Variants in SLCO4C1 observed in about 807,000 individuals in gnomAD.
The protein encoded by SLCO4C1 is organic anion transporter M1.
SLCO4C1 carries 58 observed loss-of-function variants against 72.1 expected under a neutral mutation model. The ratio of observed to expected loss-of-function variants is 0.80; its 90% confidence interval spans 0.65 to 1.00. The LOEUF is 1.00. Ranked by LOEUF, SLCO4C1 falls within the 50% of genes least tolerant of loss-of-function variation. SLCO4C1 has a pLI of 0.00. For synonymous variants in SLCO4C1, 297 were observed against 312.5 expected (o/e 0.95, Z 0.52); for missense variants, 898 against 857.9 (o/e 1.05, Z -0.58).
intron 2 of SLCO4C1, among the ~76,000 whole-genome samples, chr5:102,281,499 A>G (rs2112390714): frequency 6.6e-6 from 1 of 152,256 alleles, no homozygotes; most frequent in South Asian, 2.1e-4. Context: ...AAGAGGATGA[A>G]AAGACATGCT....
In SLCO4C1 at chr5:102,263,763, A is replaced by T; in HGVS notation, c.820T>A (p.Ser274Thr). 1 of 1,612,600 alleles carries T rather than the reference A, an allele frequency of 6.2e-7. No homozygotes were observed. Among genetic ancestry groups the T allele is most frequent in the Non-Finnish European group, 8.5e-7 (1 of 1,179,048 alleles). Residue 274 changes from serine (S) to threonine (T), a missense_variant, in exon 4 of 13, where the codon TCA (serine) becomes ACA (threonine). Transcript: ENST00000310954. ...SLYIGTGYAM[S>T]ILGPAIGYVL... ...TAGCCAATAGCAGGGCCTAAGATTG[A>T]CATAGCATAACCGGTTCCTAGAAGA...
chr5:102,235,722 A>C lies in SLCO4C1; in HGVS notation c.*1136T>G, dbSNP rs925278862. 5 of 152,232 alleles carry C rather than the reference A, an allele frequency of 3.3e-5. No individual in the cohort carries two copies. The highest frequency in any genetic ancestry group is 1.2e-4 in the African/African-American group (5 of 41,458). 9.4% of individuals were successfully genotyped at this position (152,232 alleles called of 1,614,324 possible). Reference sequence around the variant, plus strand: ...GTGCACACTCCATTGGGAACTGCACATGCAAGGGATCTAGGTTGCACTCTC... The same window carrying C: ...GTGCACACTCCATTGGGAACTGCACCTGCAAGGGATCTAGGTTGCACTCTC... On this transcript the variant is annotated 3_prime_UTR_variant, in exon 13 of 13. Coordinates refer to ENST00000310954, the MANE Select transcript of SLCO4C1 (RefSeq NM_180991.5).
chr5:102,241,240 T>C (rs1212983982), intron 10 of SLCO4C1, among the ~76,000 whole-genome samples: 1 of 152,116 alleles, frequency 6.6e-6, no homozygotes, highest in Non-Finnish European at 1.5e-5. Context: ...CTATTCGGCA[T>C]AGTACTAAAA....
intron 2 of SLCO4C1, among the ~76,000 whole-genome samples, chr5:102,279,796 A>C (rs1749318995): frequency 6.6e-6 from 1 of 152,052 alleles, no homozygotes; most frequent in Non-Finnish European, 1.5e-5. Context: ...TACTGTATTA[A>C]CAGATTGAAG....
intron 10 of SLCO4C1, among the ~76,000 whole-genome samples, chr5:102,246,332 C>T (rs1748636124): frequency 6.6e-6 from 1 of 152,120 alleles, no homozygotes; most frequent in Non-Finnish European, 1.5e-5. Context: ...ACAAGTGATA[C>T]TGTAGAAATT....
chr5:102,265,953 T>C (rs1256631682), intron 3 of SLCO4C1, among the ~76,000 whole-genome samples: 2 of 152,238 alleles, frequency 1.3e-5, no homozygotes, highest in Admixed American at 1.3e-4. Flanking sequence ...GAGCATGGGA[T>C]GCCTTTCCAT....
Position 102,247,413 on chromosome 5 carries a change from C to T in SLCO4C1, c.1650G>A (p.Arg550=). The T allele has an allele frequency of 4.4e-6, 7 of 1,578,100 alleles. No individual in the cohort carries two copies. Among genetic ancestry groups the T allele is most frequent in the Non-Finnish European group, 6.1e-6 (7 of 1,154,880 alleles). The change falls in exon 10 of 13, where the codon AGG becomes AGA. Residue 550 remains arginine, a synonymous_variant. Coordinates refer to ENST00000310954, the MANE Select transcript of SLCO4C1 (RefSeq NM_180991.5). Reference sequence around the variant, plus strand: ...CTGCAGTGGATGTTATTTCTGTTTTCCTTTCAATACAGGAACAGTTGTAAT... The same window carrying T: ...CTGCAGTGGATGTTATTTCTGTTTTTCTTTCAATACAGGAACAGTTGTAAT... ...KVYYNCSCIE[R]KTEITSTAET... is the part of the protein sequence containing the mutation.
At position 102,236,852 on chromosome 5, in the gene SLCO4C1, C is replaced by T; in HGVS notation, c.*6G>A. ...CAGGTGTAAAACAGTCTTCTCTTTT[C>T]CCATTTCACCCTTCTTTTACTATTT... is the stretch of plus-strand genomic sequence containing the variant. On this transcript the variant is annotated 3_prime_UTR_variant, in exon 13 of 13. Transcript: ENST00000310954. 1 of 1,609,690 alleles carries T rather than the reference C, an allele frequency of 6.2e-7. No individual in the cohort carries two copies. Among genetic ancestry groups the T allele is most frequent in the Non-Finnish European group, 8.5e-7 (1 of 1,178,870 alleles).
chr5:102,256,221 GA>G (rs1189817527), intron 8 of SLCO4C1, among the ~76,000 whole-genome samples: 1 of 151,886 alleles, frequency 6.6e-6, no homozygotes, highest in South Asian at 2.1e-4. Flanking sequence ...AACAAAAAAA[GA>G]AAAAAATGTG....
At chr5:102,245,023 AC>A (rs1171190651) in intron 10 of SLCO4C1, among the ~76,000 whole-genome samples, 1 of 152,182 alleles carries the variant, frequency 6.6e-6, no homozygotes, top group Non-Finnish European at 1.5e-5. Flanking sequence ...TGTGTAAACT[AC>A]CCTTATCCTA....
In SLCO4C1 at chr5:102,239,271, G is replaced by A; in HGVS notation, c.1994C>T (p.Ala665Val). The change falls in exon 12 of 13, where the codon GCC becomes GTC. Residue 665 changes from alanine (A) to valine (V), a missense_variant. Physicochemically the swap from Ala to Val is moderately conservative, Grantham distance 64 (BLOSUM62 0). Coordinates refer to ENST00000310954, the MANE Select transcript of SLCO4C1 (RefSeq NM_180991.5). Reference protein sequence around the residue: ...ACWIYDNIKMAHMLVAISVTC... With the variant: ...ACWIYDNIKMVHMLVAISVTC... ...CTTACTTATGGCTACTAGCATATGG[G>A]CCATCTTGATGTTATCATAAATCCA... 2 of 1,589,134 alleles carry A rather than the reference G, an allele frequency of 1.3e-6. No homozygotes were observed. Among genetic ancestry groups the A allele is most frequent in the Admixed American group, 1.8e-5 (1 of 56,962 alleles).
intron 8 of SLCO4C1, 83 bp from the exon 9 acceptor site, chr5:102,249,871 T>G (rs1462012322): frequency 1.5e-6 from 2 of 1,352,676 alleles, no homozygotes; most frequent in East Asian, 4.6e-5. Flanking sequence ...TATCTTACCA[T>G]TAGGTCATTT....
At chr5:102,295,833 C>T (rs2112411544) in intron 1 of SLCO4C1, 75 bp downstream of exon 1, 1 of 1,440,812 alleles carries the variant, frequency 6.9e-7, no homozygotes, top group Admixed American at 2.2e-5. Context: ...GCGCACCTGC[C>T]CTCTCCCCCG....
At chr5:102,261,880 A>C in intron 5 of SLCO4C1, 32 bp downstream of exon 5, 6 of 1,581,522 alleles carry the variant, frequency 3.8e-6, no homozygotes, top group Non-Finnish European at 5.1e-6. Context: ...AATTAAAATA[A>C]ACCTCTCTGG....
rs373841324 is a variant in SLCO4C1, at chr5:102,249,762, G to A, written c.1496C>T (p.Ala499Val). The change falls in exon 9 of 13, where the codon GCC (alanine) becomes GTC (valine). Residue 499 changes from alanine to valine, a missense_variant. Transcript: ENST00000310954. Reference protein sequence around the residue: ...NGTGELGNLIAPCNANCNCSR... With the variant: ...NGTGELGNLIVPCNANCNCSR... ...ACAGTTACAATTGGCATTACAAGGG[G>A]CTATCAAGTTTCCCAATTCTCCAGT... 1 of 1,613,710 alleles carries A rather than the reference G, an allele frequency of 6.2e-7. No individual in the cohort carries two copies. The highest frequency in any genetic ancestry group is 2.2e-5 in the East Asian group (1 of 44,840).
intron 8 of SLCO4C1, among the ~76,000 whole-genome samples, chr5:102,251,259 T>C (rs1748733936): frequency 6.6e-6 from 1 of 152,140 alleles, no homozygotes; most frequent in South Asian, 2.1e-4. Context: ...CAAAAGTTCG[T>C]TTTAAAGAAG....
intron 4 of SLCO4C1, among the ~76,000 whole-genome samples, chr5:102,263,110 T>C (rs1372121048): frequency 6.6e-6 from 1 of 152,226 alleles, no homozygotes; most frequent in East Asian, 1.9e-4. Flanking sequence ...CCTGTGCGTA[T>C]CAACTACTTT....
intron 8 of SLCO4C1, among the ~76,000 whole-genome samples, chr5:102,250,696 A>T (rs186140355): frequency 1.4e-4 from 21 of 152,300 alleles, no homozygotes; most frequent in African/African-American, 5.1e-4. Context: ...GCGATTTAAA[A>T]AATGAGTAAG....
chr5:102,258,288 A>T (rs913847073), intron 6 of SLCO4C1, among the ~76,000 whole-genome samples: 2 of 152,228 alleles, frequency 1.3e-5, no homozygotes, highest in African/African-American at 4.8e-5. Flanking sequence ...TGGAAAACCT[A>T]GAAAATTGAT....
Sources: gnomAD v4.1 joint callset for allele counts (sites outside exome capture counted in the v4.1 genomes callset) on GRCh38, gnomAD v4.1.1 for gene constraint, MANE v1.5 for transcripts, NCBI Gene and HGNC (gene_info 2026-07-23, HGNC 2026-07-21) for gene names.